Variants in CRACD observed in about 807,000 individuals in gnomAD.
CRACD encodes capping protein-inhibiting regulator of actin dynamics.
CRACD carries 56 observed loss-of-function variants against 106.8 expected under a neutral mutation model. That is an observed-to-expected ratio of 0.52 (90% CI 0.42 to 0.66). The LOEUF (loss-of-function observed/expected upper bound fraction) is 0.66. Among genes scored for constraint, CRACD ranks in the 30% least tolerant of loss-of-function variants. CRACD has a pLI of 0.00. For synonymous variants in CRACD, 754 were observed against 670.8 expected (o/e 1.12, Z -1.92); for missense variants, 1,730 against 1,623.2 (o/e 1.07, Z -1.13).
At chr4:56,083,955 C>T (rs1262942221) in intron 1 of CRACD, among the ~76,000 whole-genome samples, 2 of 152,164 alleles carry the variant, frequency 1.3e-5, no homozygotes, top group South Asian at 2.1e-4. Context: ...CCAGCCTGGG[C>T]GACAGAGTGA....
intron 2 of CRACD, among the ~76,000 whole-genome samples, chr4:56,192,066 C>T (rs900034525): frequency 4.6e-5 from 7 of 152,086 alleles, no homozygotes; most frequent in Admixed American, 3.9e-4. Context: ...GAACAAAACT[C>T]ATCATTTTGT....
intron 1 of CRACD, among the ~76,000 whole-genome samples, chr4:56,101,414 T>A (rs1194739379): frequency 6.6e-6 from 1 of 152,226 alleles, no homozygotes; most frequent in African/African-American, 2.4e-5. Flanking sequence ...TAGAGGAGAC[T>A]GCTGTGTTGA....
intron 1 of CRACD, among the ~76,000 whole-genome samples, chr4:56,121,719 A>G (rs778412376): frequency 6.6e-6 from 1 of 152,246 alleles, no homozygotes; most frequent in Non-Finnish European, 1.5e-5. Context: ...GTCTAAAACT[A>G]GATTAAAATG....
At position 56,310,654 on chromosome 4, in the gene CRACD, T is replaced by TTA; in HGVS notation, c.286-11_286-10dup. The TTA allele has an allele frequency of 6.3e-7, 1 of 1,598,822 alleles. No homozygotes were observed. The highest frequency in any genetic ancestry group is 8.6e-7 in the Non-Finnish European group (1 of 1,166,290). Reference sequence around the variant, plus strand: ...TCAGGCCTTTGACTTGAATGCTCTCTTACTGTTCCAGTCCAGTGATACGCC... The same window carrying TTA: ...TCAGGCCTTTGACTTGAATGCTCTCTTATACTGTTCCAGTCCAGTGATACGCC... On this transcript the variant is annotated splice_polypyrimidine_tract_variant and intron_variant, in intron 5 of 10. Coordinates refer to ENST00000682029, the MANE Select transcript of CRACD (RefSeq NM_001393381.1).
chr4:56,314,412 G>T lies in CRACD; in HGVS notation c.910G>T (p.Glu304Ter). 1 of 1,545,066 alleles carries T rather than the reference G, an allele frequency of 6.5e-7. No individual in the cohort carries two copies. The highest frequency in any genetic ancestry group is 8.7e-7 in the Non-Finnish European group (1 of 1,144,844). Residue 304 changes from glutamate to a stop codon, truncating the protein, a stop_gained, in exon 8 of 11, where the codon GAG (glutamate) becomes TAG (stop). Transcript: ENST00000682029. LOFTEE classifies it high-confidence loss of function. This position sits in a 1 kb window ranked among gnomAD's most constrained non-coding sequence, Gnocchi z 4.4. ...SLEAPGWEDA[E>*]RREREERERL... Reference sequence around the variant, plus strand: ...GGAAGCGCCAGGTTGGGAGGACGCGGAGCGGAGGGAGCGTGAGGAGCGCGA... The same window carrying T: ...GGAAGCGCCAGGTTGGGAGGACGCGTAGCGGAGGGAGCGTGAGGAGCGCGA...
intron 1 of CRACD, among the ~76,000 whole-genome samples, chr4:56,091,226 G>A (rs1028103109): frequency 2.0e-5 from 3 of 151,854 alleles, no homozygotes; most frequent in Non-Finnish European, 2.9e-5. Context: ...TTTATTTTTA[G>A]TAGAGACGAG....
intron 1 of CRACD, among the ~76,000 whole-genome samples, chr4:56,120,355 TGC>T (rs1734442397): frequency 6.6e-6 from 1 of 152,214 alleles, no homozygotes; most frequent in Non-Finnish European, 1.5e-5. Flanking sequence ...ACAAGCACAC[TGC>T]CAGGCACAGA....
chr4:56,232,155 A>G (rs1435951237), intron 2 of CRACD, among the ~76,000 whole-genome samples: 1 of 152,028 alleles, frequency 6.6e-6, no homozygotes, highest in Non-Finnish European at 1.5e-5. Context: ...GCAACCACTA[A>G]TCTGCTTCCT....
At chr4:56,152,588 T>G (rs951588139) in intron 1 of CRACD, among the ~76,000 whole-genome samples, 6 of 151,996 alleles carry the variant, frequency 3.9e-5, no homozygotes, top group Non-Finnish European at 7.4e-5. Flanking sequence ...AAAGCATTAA[T>G]GCAGTATCTG....
intron 2 of CRACD, among the ~76,000 whole-genome samples, chr4:56,243,973 C>G (rs75783750): frequency 0.022 from 3,414 of 152,160 alleles, 132 homozygotes; most frequent in African/African-American, 0.078. Context: ...TCTCTATGTC[C>G]GTGAGTTCAA....
intron 2 of CRACD, among the ~76,000 whole-genome samples, chr4:56,230,020 A>G (rs1051313077): frequency 1.3e-5 from 2 of 152,208 alleles, no homozygotes; most frequent in South Asian, 2.1e-4. Context: ...CCCCTGCACT[A>G]TGGATTTTCT....
intron 2 of CRACD, among the ~76,000 whole-genome samples, chr4:56,254,008 A>G (rs1421948023): frequency 6.6e-6 from 1 of 152,208 alleles, no homozygotes; most frequent in Non-Finnish European, 1.5e-5. Flanking sequence ...GAATCTCAGA[A>G]TTGGAAGGTC....
At chr4:56,100,436 A>G (rs1249595216) in intron 1 of CRACD, among the ~76,000 whole-genome samples, 11 of 152,224 alleles carry the variant, frequency 7.2e-5, no homozygotes, top group African/African-American at 2.7e-4. Flanking sequence ...TAGTTACAGA[A>G]TTAGAGTAAC....
At chr4:56,172,402 C>A (rs1487842368) in intron 1 of CRACD, among the ~76,000 whole-genome samples, 1 of 152,204 alleles carries the variant, frequency 6.6e-6, no homozygotes, top group East Asian at 1.9e-4. Context: ...TTCTCAAGTG[C>A]CAGGTCACAG....
intron 1 of CRACD, among the ~76,000 whole-genome samples, chr4:56,160,346 C>G (rs1577701680): frequency 6.6e-6 from 1 of 152,038 alleles, no homozygotes; most frequent in East Asian, 2.0e-4. Flanking sequence ...CCACATCTGG[C>G]TAATTTTTGT....
At chr4:56,272,761 G>T (rs1388599706) in intron 3 of CRACD, among the ~76,000 whole-genome samples, 3 of 152,040 alleles carry the variant, frequency 2.0e-5, no homozygotes, top group African/African-American at 7.2e-5. Context: ...CAGGTATGGT[G>T]GTGTACACCT....
chr4:56,265,555 A>G (rs1741967886), intron 2 of CRACD, among the ~76,000 whole-genome samples: 1 of 152,156 alleles, frequency 6.6e-6, no homozygotes, highest in Admixed American at 6.5e-5. Flanking sequence ...GAGAAAGTCA[A>G]GTTTCCAAGG....
At position 56,180,016 on chromosome 4, in the gene CRACD, C is replaced by CA. The variant is rs967967361; in HGVS notation, c.-189+598dup. On this transcript the variant is annotated intron_variant, in intron 2 of 10. Coordinates refer to ENST00000682029, the MANE Select transcript of CRACD (RefSeq NM_001393381.1). ...CGGGCAATAGAGCGAGACTCTGTCT[C>CA]AAAAAAAAAAAATGGTTATCATTGT... Among the ~76,000 whole-genome samples, 843 of 135,800 alleles carry CA rather than the reference C, an allele frequency of 6.2e-3. 5 individuals carry two copies. The highest frequency in any genetic ancestry group is 0.019 in the African/African-American group (682 of 36,826). 89.1% of individuals were successfully genotyped at this position (135,800 alleles called of 152,430 possible).
chr4:56,320,183 T>C (rs1745985653), intron 8 of CRACD, among the ~76,000 whole-genome samples: 1 of 151,652 alleles, frequency 6.6e-6, no homozygotes, highest in Admixed American at 6.6e-5. Context: ...ACCTAGCATC[T>C]CATTCTGAAA....
Sources: allele counts gnomAD v4.1 joint callset (sites outside exome capture counted in the v4.1 genomes callset), GRCh38; gene constraint gnomAD v4.1.1; non-coding constraint Gnocchi (gnomAD v3.1); transcripts MANE v1.5; gene names NCBI Gene and HGNC (gene_info 2026-07-23, HGNC 2026-07-21).